FRRS1L: variants seen among roughly 807,000 people sequenced by gnomAD.
FRRS1L encodes the protein DOMON domain-containing protein FRRS1L.
Under a neutral mutation model 28.6 loss-of-function variants are expected in FRRS1L, and 22 were observed. That is an observed-to-expected ratio of 0.77 (90% CI 0.55 to 1.10). The LOEUF is 1.10. FRRS1L is among the 50% of genes least tolerant of loss of function. The pLI, the probability that FRRS1L is intolerant of heterozygous loss-of-function variation, is 0.00. For synonymous variants in FRRS1L, 158 were observed against 151.4 expected (o/e 1.04, Z -0.32); for missense variants, 380 against 386.9 (o/e 0.98, Z 0.15).
chr9:109,149,673 T>C lies in FRRS1L; in HGVS notation c.286A>G (p.Lys96Glu), dbSNP rs760273546. Residue 96 changes from lysine (K) to glutamate (E), a missense_variant, in exon 2 of 5, where the codon AAA (lysine) becomes GAA (glutamate). Physicochemically the swap from Lys to Glu is moderately conservative, Grantham distance 56. Transcript: ENST00000561981. ...APPVDPFAKIKVDDCGKTKGC... is the reference protein window; with the variant it reads ...APPVDPFAKIEVDDCGKTKGC... Reference sequence around the variant, plus strand: ...TTAGTTTTTCCACAGTCGTCCACTTTGATTTTGGCAAATGGATCCACAGGA... The same window carrying C: ...TTAGTTTTTCCACAGTCGTCCACTTCGATTTTGGCAAATGGATCCACAGGA... The C allele has an allele frequency of 6.2e-7, 1 of 1,613,870 alleles. No individual in the cohort carries two copies. The highest frequency in any genetic ancestry group is 1.1e-5 in the South Asian group (1 of 91,070).
chr9:109,155,885 T>A (rs1831397751), intron 1 of FRRS1L, among the ~76,000 whole-genome samples: 1 of 150,190 alleles, frequency 6.7e-6, no homozygotes, highest in South Asian at 2.1e-4. Flanking sequence ...TGCACAACCC[T>A]GTGAATATAC....
chr9:109,156,696 T>G lies in FRRS1L; in HGVS notation c.239-6976A>C, dbSNP rs574946491. 1.3e-4 allele frequency among the ~76,000 whole-genome samples: 19 copies of G among 151,426 alleles called. No individual in the cohort carries two copies. In the South Asian group the frequency reaches 2.3e-3, roughly 18 times the overall value. On this transcript the variant is annotated intron_variant, in intron 1 of 4. Transcript: ENST00000561981. ...GAGCCACTGCACCTGGATGTTTTTT[T>G]TTTTTTTTTTGAGACGGGGTCTTGC...
intron 1 of FRRS1L, among the ~76,000 whole-genome samples, chr9:109,165,048 T>C (rs1417817707): frequency 6.6e-6 from 1 of 152,246 alleles, no homozygotes; most frequent in Non-Finnish European, 1.5e-5. Flanking sequence ...GTTAGATGCA[T>C]GAGCCCAATC....
intron 1 of FRRS1L, among the ~76,000 whole-genome samples, chr9:109,156,026 A>T (rs138186316): frequency 1.3e-5 from 2 of 152,248 alleles, no homozygotes; most frequent in African/African-American, 4.8e-5. Flanking sequence ...CCCAGTTCTG[A>T]CTCCAGTGTC....
At chr9:109,162,075 G>T (rs747265044) in intron 1 of FRRS1L, among the ~76,000 whole-genome samples, 6 of 152,160 alleles carry the variant, frequency 3.9e-5, no homozygotes, top group African/African-American at 1.4e-4. Flanking sequence ...CAGCACTTTG[G>T]GGGGCCAAGG....
chr9:109,149,935 G>A (rs1250744522), intron 1 of FRRS1L: 6 of 500,982 alleles, frequency 1.2e-5, no homozygotes. Flanking sequence ...GAGAGTAGGT[G>A]TGTCCTTTTC....
intron 3 of FRRS1L, among the ~76,000 whole-genome samples, chr9:109,142,180 T>C (rs953830123): frequency 6.6e-6 from 1 of 152,134 alleles, no homozygotes; most frequent in Non-Finnish European, 1.5e-5. Flanking sequence ...AAGAGAACAT[T>C]CTTGATTTTA....
chr9:109,156,775 C>T (rs1215623850), intron 1 of FRRS1L, among the ~76,000 whole-genome samples: 3 of 151,650 alleles, frequency 2.0e-5, no homozygotes, highest in South Asian at 2.1e-4. Flanking sequence ...TCCACCTCCC[C>T]GGCTCAGGTG....
chr9:109,159,868 C>T (rs1472466993), intron 1 of FRRS1L, among the ~76,000 whole-genome samples: 1 of 152,170 alleles, frequency 6.6e-6, no homozygotes, highest in Non-Finnish European at 1.5e-5. Flanking sequence ...GCCGACCCAA[C>T]CTGCAGACTG....
intron 3 of FRRS1L, among the ~76,000 whole-genome samples, chr9:109,145,787 G>A (rs183351868): frequency 6.6e-6 from 1 of 152,260 alleles, no homozygotes; most frequent in African/African-American, 2.4e-5. Context: ...GGTGCCTGAA[G>A]GGTAGCACAC....
At chr9:109,151,007 T>G (rs573800439) in intron 1 of FRRS1L, 2 of 152,210 alleles carry the variant, frequency 1.3e-5, no homozygotes, top group Non-Finnish European at 2.9e-5. Flanking sequence ...GTAATGCTAC[T>G]TTTTTTAAAG....
chr9:109,163,423 G>A (rs1359216034), intron 1 of FRRS1L, among the ~76,000 whole-genome samples: 1 of 152,198 alleles, frequency 6.6e-6, no homozygotes, highest in Non-Finnish European at 1.5e-5. Context: ...AGCTGAGACT[G>A]TAAGCATGAG....
chr9:109,145,258 C>A (rs2118478257), intron 3 of FRRS1L, among the ~76,000 whole-genome samples: 1 of 152,356 alleles, frequency 6.6e-6, no homozygotes, highest in East Asian at 1.9e-4. Context: ...TGCCTGTGCA[C>A]CTGAGGCCCC....
intron 1 of FRRS1L, among the ~76,000 whole-genome samples, chr9:109,154,811 A>G (rs377355040): frequency 6.6e-6 from 1 of 152,220 alleles, no homozygotes; most frequent in Non-Finnish European, 1.5e-5. Flanking sequence ...ATATTTTACT[A>G]TGATAAACTG....
intron 1 of FRRS1L, among the ~76,000 whole-genome samples, chr9:109,155,225 C>T (rs1331342700): frequency 6.6e-6 from 1 of 152,186 alleles, no homozygotes; most frequent in Non-Finnish European, 1.5e-5. Context: ...CATAGGTGTG[C>T]TCTTAATATA....
Position 109,137,478 on chromosome 9 carries a change from A to G in FRRS1L, c.859T>C (p.Tyr287His), listed in dbSNP as rs1831126595. ...GGTTAGGGGGTTCCCATCAATAGGT[A>G]GAAGGTCAGAGCAACAATCAGAAGC... ...CLLLIVALTF[Y>H]LLMGTP Residue 287 changes from tyrosine (Y) to histidine (H), a missense_variant, in exon 5 of 5, where the codon TAC (tyrosine) becomes CAC (histidine). Physicochemically the swap from Tyr to His is moderately conservative, Grantham distance 83 (BLOSUM62 2). Transcript: ENST00000561981. 2 of 1,611,062 alleles carry G rather than the reference A, an allele frequency of 1.2e-6. No individual in the cohort carries two copies. Among genetic ancestry groups the G allele is most frequent in the East Asian group, 2.2e-5 (1 of 44,846 alleles).
At chr9:109,145,206 C>T (rs576638817) in intron 3 of FRRS1L, among the ~76,000 whole-genome samples, 125 of 152,284 alleles carry the variant, frequency 8.2e-4, no homozygotes, top group Admixed American at 5.2e-3. Flanking sequence ...GAGAGAAAAA[C>T]GCAGCAAGGC....
intron 3 of FRRS1L, among the ~76,000 whole-genome samples, chr9:109,145,179 T>C (rs868257223): frequency 5.3e-5 from 8 of 152,024 alleles, no homozygotes. Flanking sequence ...GGCAAAAGAA[T>C]GGGGCTCCAG....
chr9:109,166,821 C>T (rs1281318323), intron 1 of FRRS1L, 80 bp downstream of exon 1: 2 of 227,410 alleles, frequency 8.8e-6, no homozygotes, highest in Admixed American at 6.2e-5. Context: ...CTCCCTCGCC[C>T]CCTCTCCTCG....
Sources: gnomAD v4.1 joint callset for allele counts (sites outside exome capture counted in the v4.1 genomes callset) on GRCh38, gnomAD v4.1.1 for gene constraint, MANE v1.5 for transcripts, NCBI Gene and HGNC (gene_info 2026-07-23, HGNC 2026-07-21) for gene names.